The following TDRD5 variants were observed in gnomAD, a reference collection of about 807,000 sequenced individuals.
The protein encoded by TDRD5 is tudor domain-containing protein 5.
In TDRD5, 41 loss-of-function variants were observed where a neutral mutation model predicts 120.6. That is an observed-to-expected ratio of 0.34 (90% CI 0.26 to 0.44). The LOEUF (loss-of-function observed/expected upper bound fraction) is 0.44. Among genes scored for constraint, TDRD5 ranks in the 20% least tolerant of loss-of-function variants. TDRD5 has a pLI of 1.00. For synonymous variants in TDRD5, 430 were observed against 433.7 expected, an observed-to-expected ratio of 0.99 and a Z score of 0.11; for missense variants, 1,006 against 1,221.2, an observed-to-expected ratio of 0.82 and a Z score of 2.63.
At chr1:179,677,974 C>T (rs1680224051) in intron 17 of TDRD5, among the ~76,000 whole-genome samples, 1 of 152,088 alleles carries the variant, frequency 6.6e-6, no homozygotes, top group Non-Finnish European at 1.5e-5. Flanking sequence ...GAGATTATGA[C>T]CTTTGTCTTT....
chr1:179,647,859 C>G (rs1263063519), intron 11 of TDRD5, among the ~76,000 whole-genome samples: 3 of 146,024 alleles, frequency 2.1e-5, no homozygotes, highest in Non-Finnish European at 4.6e-5. Flanking sequence ...CTCATCATCA[C>G]TGGCCATCAG....
intron 6 of TDRD5, among the ~76,000 whole-genome samples, chr1:179,622,607 T>C (rs565309480): frequency 6.6e-6 from 1 of 152,246 alleles, no homozygotes; most frequent in African/African-American, 2.4e-5. Flanking sequence ...AACCAAGTTA[T>C]TTTCATAACT....
chr1:179,648,511 A>G (rs7516806), intron 11 of TDRD5, among the ~76,000 whole-genome samples: 39,497 of 132,306 alleles, frequency 0.3, 6,142 homozygotes, highest in Admixed American at 0.35. Context: ...GAGTTAGTGG[A>G]TGCGGCGCAC....
intron 6 of TDRD5, 74 bp downstream of exon 6, chr1:179,621,165 T>C: frequency 1.5e-6 from 2 of 1,374,490 alleles, no homozygotes; most frequent in Admixed American, 4.6e-5. Flanking sequence ...ATTTTGTGGC[T>C]ACTCCTTGGA....
At chr1:179,651,797 C>T (rs940131063) in intron 12 of TDRD5, among the ~76,000 whole-genome samples, 1 of 151,974 alleles carries the variant, frequency 6.6e-6, no homozygotes, top group Non-Finnish European at 1.5e-5. Context: ...CCTGTAGTCC[C>T]AGCTACTCAG....
intron 9 of TDRD5, among the ~76,000 whole-genome samples, chr1:179,638,099 G>A (rs1161018125): frequency 3.3e-5 from 5 of 152,176 alleles, no homozygotes; most frequent in Admixed American, 2.6e-4. Context: ...GGGGGAGAGA[G>A]TGACTGATGT....
chr1:179,613,291 GTTAA>G (rs1248437448), intron 4 of TDRD5, among the ~76,000 whole-genome samples: 4 of 152,074 alleles, frequency 2.6e-5, no homozygotes, highest in Non-Finnish European at 2.9e-5. Context: ...TATTCAGTGG[GTTAA>G]TTAATGCAGT....
chr1:179,651,921 T>A, intron 12 of TDRD5, 118 bp from the exon 13 acceptor site: 1 of 1,175,380 alleles, frequency 8.5e-7, no homozygotes, highest in Middle Eastern at 2.4e-4. Context: ...TCGAAATAAA[T>A]AAATAAAATT....
chr1:179,664,406 A>G (rs752626014), intron 16 of TDRD5, among the ~76,000 whole-genome samples: 4 of 151,976 alleles, frequency 2.6e-5, no homozygotes, highest in Non-Finnish European at 4.4e-5. Flanking sequence ...ACTACAGTCT[A>G]TTTTAGAATA....
intron 6 of TDRD5, among the ~76,000 whole-genome samples, chr1:179,626,323 A>G (rs575079383): frequency 6.6e-6 from 1 of 152,342 alleles, no homozygotes; most frequent in Admixed American, 6.5e-5. Context: ...AGCATACTGT[A>G]GAATGTCTTT....
rs1558424205 is a variant in TDRD5 at position 179,675,279 on chromosome 1, T to TA, written c.2860+5875_2860+5876insA. 6.0e-4 allele frequency among the ~76,000 whole-genome samples: 72 copies of TA among 119,448 alleles called. No homozygotes were observed. The East Asian group carries it at 0.014, about 23-fold the overall frequency. The allele number at this position is 119,448 out of a possible 152,430, so 78.4% of individuals were successfully genotyped here. A position where few individuals can be genotyped will look rare whatever the true frequency, so the allele number is the denominator to read the frequency against. ...TTTTATTATTATTATTATTATTTTT[T>TA]TTTTTTTTTTTTTTTTTTGAGACGG... is the stretch of plus-strand genomic sequence containing the variant. On this transcript the variant is annotated intron_variant, in intron 17 of 17. Coordinates refer to ENST00000444136, the MANE Select transcript of TDRD5 (RefSeq NM_001199085.3).
intron 11 of TDRD5, among the ~76,000 whole-genome samples, chr1:179,644,985 T>C (rs1182490307): frequency 7.7e-6 from 1 of 129,842 alleles, no homozygotes; most frequent in Non-Finnish European, 1.8e-5. Flanking sequence ...GTTTTATTAT[T>C]GTTCAGTTAA....
Position 179,654,243 on chromosome 1 carries a change from G to A in TDRD5, c.2203G>A (p.Glu735Lys). Reference sequence around the variant, plus strand: ...AAAGTCTTTAAGTCATCTTAAATCTGAGTCAAAGGAGCCATTAAAGGATTC... The same window carrying A: ...AAAGTCTTTAAGTCATCTTAAATCTAAGTCAAAGGAGCCATTAAAGGATTC... ...DEKSLSHLKS[E>K]SKEPLKDSEF... The change falls in exon 14 of 18, where the codon GAG becomes AAG. Residue 735 changes from glutamate (E) to lysine (K), a missense_variant. Coordinates refer to ENST00000444136, the MANE Select transcript of TDRD5 (RefSeq NM_001199085.3). The A allele has an allele frequency of 6.5e-7, 1 of 1,548,498 alleles. No homozygotes were observed. The highest frequency in any genetic ancestry group is 8.7e-7 in the Non-Finnish European group (1 of 1,145,854).
Position 179,606,402 on chromosome 1 carries a change from A to G in TDRD5, c.831+10584A>G, listed in dbSNP as rs112392011. On this transcript the variant is annotated intron_variant, in intron 4 of 17. Transcript: ENST00000444136. ...CTTCTATTCTGTGGCTTATTTCTCA[A>G]TCTTTTGACTTGTCTTACAGAGAAG... Among the ~76,000 whole-genome samples the G allele has an allele frequency of 7.3e-3, 1,105 of 151,936 alleles. 10 individuals are homozygous for G. Among genetic ancestry groups the G allele is most frequent in the Non-Finnish European group, 0.012 (839 of 67,896 alleles).
Position 179,595,729 on chromosome 1 carries a change from C to T in TDRD5, c.742C>T (p.Pro248Ser), listed in dbSNP as rs1379575875. The change falls in exon 4 of 18, where the codon CCA becomes TCA. Residue 248 changes from proline (P) to serine (S), a missense_variant. By Grantham distance (74) the Pro-to-Ser change is moderately conservative (BLOSUM62 -1). Around this residue, in one of 3 missense-constraint regions of TDRD5, gnomAD observed 445 missense variants for 515.5 expected, o/e 0.86. Transcript: ENST00000444136. ...CFSQPTSNME[P>S]PKQIMSMEKT... is the part of the protein sequence containing the mutation. ...TTCACAACCCACTTCAAACATGGAA[C>T]CACCGAAGCAAATAATGAGCATGGA... The T allele has an allele frequency of 6.2e-7, 1 of 1,613,626 alleles. No individual in the cohort carries two copies. Among genetic ancestry groups the T allele is most frequent in the African/African-American group, 1.3e-5 (1 of 74,862 alleles).
At chr1:179,603,988 C>T (rs1558372700) in intron 4 of TDRD5, among the ~76,000 whole-genome samples, 1 of 152,060 alleles carries the variant, frequency 6.6e-6, no homozygotes, top group Non-Finnish European at 1.5e-5. Context: ...TAGAATTCTG[C>T]TGTGAATCTG....
intron 8 of TDRD5, among the ~76,000 whole-genome samples, chr1:179,635,435 A>G (rs993154855): frequency 2.0e-5 from 3 of 152,214 alleles, no homozygotes; most frequent in Admixed American, 6.5e-5. Flanking sequence ...AGTAGTTTTC[A>G]TATTTTAACA....
rs72314884 is a variant in TDRD5 at position 179,642,106 on chromosome 1, CTT to C, written c.1800+1671_1800+1672del. ...CCTTCTTACTTTCTTTTTTTCTTTT[CTT>C]TTTTTTTTTGGAGACGGAGTCTTCC... On this transcript the variant is annotated intron_variant, in intron 11 of 17. Coordinates refer to ENST00000444136, the MANE Select transcript of TDRD5 (RefSeq NM_001199085.3). 5.5e-5 allele frequency among the ~76,000 whole-genome samples: 8 copies of C among 145,580 alleles called. No individual in the cohort carries two copies. The East Asian group carries it at 8.0e-4, about 15-fold the overall frequency.
chr1:179,664,861 G>A (rs1167659764), intron 16 of TDRD5, among the ~76,000 whole-genome samples: 1 of 152,028 alleles, frequency 6.6e-6, no homozygotes, highest in African/African-American at 2.4e-5. Context: ...TTAACATTTT[G>A]TGGAATTGGC....
Sources: allele counts gnomAD v4.1 joint callset (sites outside exome capture counted in the v4.1 genomes callset), GRCh38; gene constraint gnomAD v4.1.1; regional missense constraint gnomAD v4.1.1; transcripts MANE v1.5; gene names NCBI Gene and HGNC (gene_info 2026-07-23, HGNC 2026-07-21).